OBSL1: variants seen among roughly 807,000 people sequenced by gnomAD.
OBSL1 encodes the protein obscurin like cytoskeletal adaptor 1.
OBSL1 carries 160 observed loss-of-function variants against 172.0 expected under a neutral mutation model. The ratio of observed to expected loss-of-function variants is 0.93; its 90% CI spans 0.82 to 1.06. OBSL1 has a LOEUF of 1.06. OBSL1 is among the 50% of genes least tolerant of loss of function. OBSL1 has a pLI of 0.00. For synonymous variants in OBSL1, 1,200 were observed against 1,196.3 expected, an observed-to-expected ratio of 1.00 and a Z score of -0.06; for missense variants, 2,681 against 2,715.4, an observed-to-expected ratio of 0.99 and a Z score of 0.28.
chr2:219,566,838 G>T lies in OBSL1; in HGVS notation c.2126C>A (p.Thr709Lys), dbSNP rs371702361. Reference protein sequence around the residue: ...CPGVQDSAALTIQESPVHILS... With the variant: ...CPGVQDSAALKIQESPVHILS... ...TCCCCACTGGCACCAACCTTGGATT[G>T]TGAGGGCAGCTGAGTCCTGCACGCC... The change falls in exon 5 of 21, where the codon ACA becomes AAA. Residue 709 changes from threonine (T) to lysine (K), a missense_variant. This residue lies in a region of OBSL1 where 1,765 missense variants were observed against 1,748.3 expected (regional missense o/e 1.01). Coordinates refer to ENST00000404537, the MANE Select transcript of OBSL1 (RefSeq NM_015311.3). 6.3e-7 allele frequency: 1 copy of T among 1,579,460 alleles called. No individual in the cohort carries two copies. The highest frequency in any genetic ancestry group is 8.7e-7 in the Non-Finnish European group (1 of 1,155,872).
In OBSL1 at chr2:219,556,546, A is replaced by C. The variant is rs764735397; in HGVS notation, c.4244T>G (p.Ile1415Ser). 6.2e-7 allele frequency: 1 copy of C among 1,613,780 alleles called. No individual in the cohort carries two copies. The highest frequency in any genetic ancestry group is 1.3e-5 in the African/African-American group (1 of 74,902). The change falls in exon 13 of 21, where the codon ATC (isoleucine) becomes AGC (serine). Residue 1415 changes from isoleucine (I) to serine (S), a missense_variant. Physicochemically the swap from Ile to Ser is moderately radical, Grantham distance 142. Transcript: ENST00000404537. ...VEMAQNGSSR[I>S]LTLRGCQLGD... The stretch of plus-strand genomic sequence containing the variant: ...CAGTTGGCAGCCTCGCAAGGTTAAG[A>C]TGCGGCTTGAACCATTCTGGGCCAT...
chr2:219,548,041 G>A, downstream of OBSL1: 1 of 1,581,678 alleles, frequency 6.3e-7, no homozygotes, highest in Non-Finnish European at 8.6e-7. Context: ...GCGTTCTGGT[G>A]CAGTGGAGGG....
intron 14 of OBSL1, 39 bp from the exon 15 acceptor site, chr2:219,554,779 C>T: frequency 1.3e-6 from 2 of 1,506,996 alleles, no homozygotes; most frequent in Non-Finnish European, 1.8e-6. Flanking sequence ...ATGAGGCCTC[C>T]AGCTCTGGGC....
rs1029585444 is a variant in OBSL1 at position 219,555,692 on chromosome 2, A to G, written c.4609+328T>C. 2.6e-6 allele frequency: 3 copies of G among 1,141,884 alleles called. No individual in the cohort carries two copies. The African/African-American group carries it at 4.8e-5, about 18-fold the overall frequency. 70.7% of individuals were successfully genotyped at this position (1,141,884 alleles called of 1,614,324 possible). ...AGGTGTGGGGTGCTGTTTGACAGCC[A>G]TCCCTGCTACTTAAGTGGGTATGTG... On this transcript the variant is annotated intron_variant, in intron 14 of 20. Coordinates refer to ENST00000404537, the MANE Select transcript of OBSL1 (RefSeq NM_015311.3).
At position 219,552,709 on chromosome 2, in the gene OBSL1, C is replaced by G. The variant is rs755129116; in HGVS notation, c.5147-12G>C. ...CGCCACAGTACGCTCTGGGGCGGAGCCCGGGGCGTGAGCGGGGCGGGGCAG... is the reference window on the plus strand; with the variant it reads ...CGCCACAGTACGCTCTGGGGCGGAGGCCGGGGCGTGAGCGGGGCGGGGCAG... On this transcript the variant is annotated splice_polypyrimidine_tract_variant and intron_variant, in intron 17 of 20. Transcript: ENST00000404537. 3 of 1,516,894 alleles carry G rather than the reference C, an allele frequency of 2.0e-6. No homozygotes were observed. The highest frequency in any genetic ancestry group is 1.4e-5 in the African/African-American group (1 of 72,010). The allele number at this position is 1,516,894 out of a possible 1,614,324, so 94.0% of individuals were successfully genotyped here. A position where few individuals can be genotyped will look rare whatever the true frequency, so the allele number is the denominator to read the frequency against.
Position 219,570,535 on chromosome 2 carries a change from G to A in OBSL1, c.698C>T (p.Pro233Leu), listed in dbSNP as rs561364099. 4 of 1,606,562 alleles carry A rather than the reference G, an allele frequency of 2.5e-6. No individual in the cohort carries two copies. In the East Asian group the frequency reaches 6.7e-5, roughly 27 times the overall value. ...GGGGGCCTCGTCGGGGTCCGCGGGCGGGCTCTCGGGGGGCTGGTGCACCTG... is the reference window on the plus strand; with the variant it reads ...GGGGGCCTCGTCGGGGTCCGCGGGCAGGCTCTCGGGGGGCTGGTGCACCTG... ...LLQVHQPPES[P>L]PADPDEAPAP... Residue 233 changes from proline (P) to leucine (L), a missense_variant, in exon 1 of 21, where the codon CCG becomes CTG. Coordinates refer to ENST00000404537, the MANE Select transcript of OBSL1 (RefSeq NM_015311.3).
chr2:219,557,398 C>T lies in OBSL1; in HGVS notation c.4011G>A (p.Gly1337=). Residue 1337 remains glycine, a synonymous_variant, in exon 12 of 21, where the codon GGG becomes GGA. Transcript: ENST00000404537. ...RVQGARSGDA[G]EYLCDAPQDS... ...CCTGGGGCGCATCGCACAGGTACTC[C>T]CCAGCGTCCCCGCTCCGTGCCCCCT... The T allele has an allele frequency of 6.5e-7, 1 of 1,544,960 alleles. No individual in the cohort carries two copies. Among genetic ancestry groups the T allele is most frequent in the Non-Finnish European group, 8.7e-7 (1 of 1,144,376 alleles).
At position 219,556,016 on chromosome 2, in the gene OBSL1, TCA is replaced by T; in HGVS notation, c.4609+2_4609+3del. 6.2e-7 allele frequency: 1 copy of T among 1,613,208 alleles called. No individual in the cohort carries two copies. The highest frequency in any genetic ancestry group is 8.5e-7 in the Non-Finnish European group (1 of 1,179,770). On this transcript the variant is annotated splice_donor_variant and splice_donor_region_variant and intron_variant, in intron 14 of 20. Coordinates refer to ENST00000404537, the MANE Select transcript of OBSL1 (RefSeq NM_015311.3). LOFTEE classifies it high-confidence loss of function. ...AATGCATTAAGAGAGGACGGGGCAC[TCA>T]CGCCTCACGCTGAGCCTGGCCAGGG...
downstream of OBSL1, chr2:219,550,100 G>A (rs1175506691): frequency 1.6e-5 from 8 of 498,842 alleles, no homozygotes; most frequent in Non-Finnish European, 2.8e-5. Flanking sequence ...TCAGGGTTGT[G>A]AGTGTGTTGC....
chr2:219,553,706 G>A lies in OBSL1; in HGVS notation c.4877-20C>T, dbSNP rs766884484. ...GGACCTCTGGGGGTGGGAGAGGGAGGACAGTGCAGAGGGAGCAGGATGGGG... is the reference window on the plus strand; with the variant it reads ...GGACCTCTGGGGGTGGGAGAGGGAGAACAGTGCAGAGGGAGCAGGATGGGG... On this transcript the variant is annotated intron_variant, in intron 15 of 20. Coordinates refer to ENST00000404537, the MANE Select transcript of OBSL1 (RefSeq NM_015311.3). 32 of 1,576,476 alleles carry A rather than the reference G, an allele frequency of 2.0e-5. No homozygotes were observed. The highest frequency in any genetic ancestry group is 2.8e-5 in the Non-Finnish European group (32 of 1,147,856).
At chr2:219,554,270 CAG>C (rs1695841072) in intron 15 of OBSL1, 2 of 638,622 alleles carry the variant, frequency 3.1e-6, no homozygotes, top group Admixed American at 2.9e-5. Flanking sequence ...CTTGGGCAGT[CAG>C]GGGCCACACC....
At chr2:219,569,323 T>C (rs3731920) in intron 1 of OBSL1, 123,833 of 152,150 alleles carry the variant, frequency 0.81, 51,704 homozygotes, top group East Asian at 0.9. Flanking sequence ...GACTGCATGC[T>C]AGGAAGGACT....
At position 219,551,601 on chromosome 2, in the gene OBSL1, G is replaced by C. The variant is rs767934807; in HGVS notation, c.5611C>G (p.Arg1871Gly). The C allele has an allele frequency of 2.5e-6, 4 of 1,610,608 alleles. No individual in the cohort carries two copies. The Admixed American group carries it at 6.7e-5, about 27-fold the overall frequency. ...CAGTAAGTGCCTTGGTCCTCAGGTC[G>C]AACGTCATGGATGACCAGGCTGTGG... ...PTHSLVIHDV[R>G]PEDQGTYCCQ... Residue 1871 changes from arginine (R) to glycine (G), a missense_variant, in exon 20 of 21, where the codon CGA (arginine) becomes GGA (glycine). Arg to Gly is a moderately radical substitution (Grantham distance 125). Around this residue, in one of 5 missense-constraint regions of OBSL1, gnomAD observed 1,765 missense variants for 1,748.3 expected, o/e 1.01. Transcript: ENST00000404537.
At position 219,565,257 on chromosome 2, in the gene OBSL1, C is replaced by A. The variant is rs201462216; in HGVS notation, c.2392G>T (p.Gly798Cys). The A allele has an allele frequency of 6.2e-7, 1 of 1,610,302 alleles. No individual in the cohort carries two copies. Among genetic ancestry groups the A allele is most frequent in the Non-Finnish European group, 8.5e-7 (1 of 1,177,450 alleles). ...CRTEGVSAFFGVTVQDPPVHI... is the reference protein window; with the variant it reads ...CRTEGVSAFFCVTVQDPPVHI... The stretch of plus-strand genomic sequence containing the variant: ...GCTTCCTGACCTTGGACAGTGACGC[C>A]GAAGAAGGCCGAGACCCCTTCTGTC... The change falls in exon 6 of 21, where the codon GGC becomes TGC. Residue 798 changes from glycine to cysteine, a missense_variant. By Grantham distance (159) the Gly-to-Cys change is radical (BLOSUM62 -3). Coordinates refer to ENST00000404537, the MANE Select transcript of OBSL1 (RefSeq NM_015311.3).
rs763048668 is a variant in OBSL1, at chr2:219,553,631, G to A, written c.4932C>T (p.Asp1644=). The change falls in exon 16 of 21, where the codon GAC becomes GAT. Residue 1644 remains aspartate, a synonymous_variant. Transcript: ENST00000404537. Reference sequence around the variant, plus strand: ...AAAGCTCGCACTCGAACGTAGCTGTGTCGCCCTCGGTCACCTCTAGGTCGT... The same window carrying A: ...AAAGCTCGCACTCGAACGTAGCTGTATCGCCCTCGGTCACCTCTAGGTCGT... ...GPHDLEVTEG[D]TATFECELSQ... The A allele has an allele frequency of 1.2e-6, 2 of 1,613,768 alleles. No homozygotes were observed. The highest frequency in any genetic ancestry group is 2.7e-5 in the African/African-American group (2 of 74,904).
At chr2:219,555,280 G>A (rs906250885) in intron 14 of OBSL1, 1 of 154,088 alleles carries the variant, frequency 6.5e-6, no homozygotes, top group South Asian at 2.0e-4. Context: ...TGTTCCCAGA[G>A]ACACTTGAGA....
In OBSL1 at chr2:219,567,014, A is replaced by G; in HGVS notation, c.1950T>C (p.Asn650=). 1 of 1,613,604 alleles carries G rather than the reference A, an allele frequency of 6.2e-7. No homozygotes were observed. Among genetic ancestry groups the G allele is most frequent in the Non-Finnish European group, 8.5e-7 (1 of 1,179,854 alleles). Residue 650 remains asparagine (N), a synonymous_variant, in exon 5 of 21, where the codon AAT becomes AAC. Coordinates refer to ENST00000404537, the MANE Select transcript of OBSL1 (RefSeq NM_015311.3). ...GCTCGTTACTCTTGAGCTCTTCCCC[A>G]TTAAGGAACCAGGTACCCTGGATGA... is the stretch of plus-strand genomic sequence containing the variant. The part of the protein sequence containing the change: ...STIIQGTWFL[N]GEELKSNEPE...
chr2:219,566,732 C>T, intron 5 of OBSL1, 98 bp downstream of exon 5: 1 of 1,354,602 alleles, frequency 7.4e-7, no homozygotes, highest in Non-Finnish European at 1.0e-6. Flanking sequence ...CTCTCCTGGC[C>T]CAGATACAAG....
chr2:219,563,800 A>G (rs1034482646), intron 6 of OBSL1, among the ~76,000 whole-genome samples, 173 bp from the exon 7 acceptor site: 2 of 152,056 alleles, frequency 1.3e-5, no homozygotes, highest in Non-Finnish European at 1.5e-5. Context: ...ATGGCAGGTG[A>G]GGCATGGCAG....
Sources: allele counts gnomAD v4.1 joint callset (sites outside exome capture counted in the v4.1 genomes callset), GRCh38; gene constraint gnomAD v4.1.1; regional missense constraint gnomAD v4.1.1; transcripts MANE v1.5; gene names NCBI Gene and HGNC (gene_info 2026-07-23, HGNC 2026-07-21).